The following FAS variants were observed in gnomAD, a reference collection of about 807,000 sequenced individuals.
The protein encoded by FAS is tumor necrosis factor receptor superfamily member 6.
FAS carries 5 observed loss-of-function variants against 33.2 expected under a neutral mutation model. That is an observed-to-expected ratio of 0.15 (90% confidence interval 0.08 to 0.32). FAS has a LOEUF of 0.32. FAS is among the 10% of genes least tolerant of loss of function. The pLI is 1.00. For missense variants in FAS, 339 were observed against 386.0 expected, an observed-to-expected ratio of 0.88 and a Z score of 1.02; for synonymous variants, 131 against 130.7, an observed-to-expected ratio of 1.00 and a Z score of -0.01.
upstream of FAS, among the ~76,000 whole-genome samples, chr10:88,985,171 T>C (rs991196867): frequency 1.1e-4 from 16 of 152,174 alleles, no homozygotes; most frequent in African/African-American, 3.9e-4. Context: ...TGGAAAGACT[T>C]ATGTTTACCA....
At chr10:89,008,114 AT>A (rs970957775) in intron 3 of FAS, among the ~76,000 whole-genome samples, 3 of 152,002 alleles carry the variant, frequency 2.0e-5, no homozygotes, top group Admixed American at 6.6e-5. Context: ...CTCAGAAATT[AT>A]TTTTTTTCTG....
intron 1 of FAS, chr10:88,991,313 A>G (rs1217770976): frequency 2.8e-6 from 1 of 357,956 alleles, no homozygotes; most frequent in East Asian, 5.4e-5. Flanking sequence ...ACTCCTGGAC[A>G]AGCCCTGACA....
At position 88,996,293 on chromosome 10, in the gene FAS, ATGTC is replaced by A. The variant is rs1383498486; in HGVS notation, c.30+5391_30+5394del. On this transcript the variant is annotated intron_variant, in intron 1 of 8. Coordinates refer to ENST00000652046, the MANE Select transcript of FAS (RefSeq NM_000043.6). ...GTTGTTGTTGTTTTTTTTCATGTGA[ATGTC>A]TGTAAGGTTTCAGGCTTGATTTTAA... Among the ~76,000 whole-genome samples, 4 of 152,076 alleles carry A rather than the reference ATGTC, an allele frequency of 2.6e-5. No homozygotes were observed. The East Asian group carries it at 7.7e-4, about 29-fold the overall frequency.
rs1848714917 is a variant in FAS at position 89,014,787 on chromosome 10, A to C, written c.*337A>C. The stretch of plus-strand genomic sequence containing the variant: ...AATGTAATCAGTGTATGTTAGTACA[A>C]ATGTCTATCCACAGGCTAACCCCAC... On this transcript the variant is annotated 3_prime_UTR_variant, in exon 9 of 9. Transcript: ENST00000652046. The C allele has an allele frequency of 1.8e-6, 1 of 556,094 alleles. No homozygotes were observed. Among genetic ancestry groups the C allele is most frequent in the Admixed American group, 2.2e-5 (1 of 45,668 alleles). 34.4% of individuals were successfully genotyped at this position (556,094 alleles called of 1,614,324 possible).
Position 89,014,660 on chromosome 10 carries a change from A to C in FAS, c.*210A>C, listed in dbSNP as rs150332608. ...CTAGTTGGGAAAACAAACTTCATCA[A>C]GAGTAAATGCAGTGGCATGCTAAGT... On this transcript the variant is annotated 3_prime_UTR_variant, in exon 9 of 9. Transcript: ENST00000652046. The C allele has an allele frequency of 1.4e-6, 1 of 693,788 alleles. No individual in the cohort carries two copies. Among genetic ancestry groups the C allele is most frequent in the African/African-American group, 1.7e-5 (1 of 57,204 alleles). The allele number at this position is 693,788 out of a possible 1,614,324, so 43.0% of individuals were successfully genotyped here. A position where few individuals can be genotyped will look rare whatever the true frequency, so the allele number is the denominator to read the frequency against.
At chr10:88,964,214 T>C (rs1345597101) in intron 1 of FAS, among the ~76,000 whole-genome samples, 1 of 152,130 alleles carries the variant, frequency 6.6e-6, no homozygotes, top group Non-Finnish European at 1.5e-5. Context: ...AATTCTTATC[T>C]GGAACCCCTG....
intron 2 of FAS, among the ~76,000 whole-genome samples, chr10:88,978,428 T>C (rs888215969): frequency 2.0e-5 from 3 of 152,002 alleles, no homozygotes; most frequent in Admixed American, 2.0e-4. Flanking sequence ...TAAATAAAAT[T>C]TAAGATAAGC....
At chr10:88,990,706 G>A (rs1399693286), upstream of FAS, 2 of 752,054 alleles carry the variant, frequency 2.7e-6, no homozygotes, top group Non-Finnish European at 2.3e-6. The surrounding 1 kb of genome is among the most constrained non-coding windows in gnomAD (Gnocchi z 4.9). Context: ...AGTGAGGGAA[G>A]CGGTTTACGA....
intron 2 of FAS, among the ~76,000 whole-genome samples, chr10:89,004,778 C>T (rs1261293409): frequency 1.3e-5 from 2 of 152,114 alleles, no homozygotes; most frequent in Admixed American, 6.6e-5. Flanking sequence ...GCTGGATTAA[C>T]TGATTCTCCC....
At chr10:88,990,720 A>G (rs1438910500), upstream of FAS, 4 of 826,822 alleles carry the variant, frequency 4.8e-6, no homozygotes, top group Non-Finnish European at 2.0e-6. This position sits in a 1 kb window ranked among gnomAD's most constrained non-coding sequence, Gnocchi z 4.9. Context: ...TTTACGAGTG[A>G]CTTGGCTGGA....
At chr10:88,988,449 A>T (rs78959422), upstream of FAS, among the ~76,000 whole-genome samples, 12,995 of 130,100 alleles carry the variant, frequency 0.1, 800 homozygotes, top group Non-Finnish European at 0.14. Flanking sequence ...TTTTTATCTT[A>T]ACTCTTCCTG....
At chr10:88,980,585 C>A (rs1412716325) in intron 2 of FAS, among the ~76,000 whole-genome samples, 1 of 152,160 alleles carries the variant, frequency 6.6e-6, no homozygotes, top group Non-Finnish European at 1.5e-5. Flanking sequence ...TCCCTGAGGC[C>A]TAACACAGTC....
intron 2 of FAS, among the ~76,000 whole-genome samples, chr10:88,977,294 T>C (rs1170279031): frequency 1.3e-5 from 2 of 151,762 alleles, no homozygotes; most frequent in Non-Finnish European, 1.5e-5. Context: ...TTTATGGTTT[T>C]AGGTCTAACA....
At chr10:88,995,885 G>A (rs1361965039) in intron 1 of FAS, among the ~76,000 whole-genome samples, 1 of 152,176 alleles carries the variant, frequency 6.6e-6, no homozygotes, top group Non-Finnish European at 1.5e-5. Context: ...TTGTGAATTA[G>A]CAAATCTGAC....
intron 1 of FAS, among the ~76,000 whole-genome samples, chr10:88,996,201 T>G (rs1847579727): frequency 6.6e-6 from 1 of 151,614 alleles, no homozygotes; most frequent in Non-Finnish European, 1.5e-5. Context: ...AGACTCTTGT[T>G]TTTTTGCTGA....
chr10:89,001,882 C>A (rs1847949303), intron 1 of FAS, among the ~76,000 whole-genome samples: 1 of 152,192 alleles, frequency 6.6e-6, no homozygotes, highest in Admixed American at 6.5e-5. Context: ...CGAGAGGTTG[C>A]AGTCATGGTA....
rs778956880 is a variant in FAS at position 88,973,252 on chromosome 10, G to A, written n.165G>A. On this transcript the variant is annotated non_coding_transcript_exon_variant, in exon 2 of 4. Transcript: ENST00000688239. The stretch of plus-strand genomic sequence containing the variant: ...ATGGAGCCCCTGAAAATTGGCTATG[G>A]ACCAAATGGATTCCCACTCTTGGGG... 2.5e-6 allele frequency: 4 copies of A among 1,612,410 alleles called. No individual in the cohort carries two copies. The South Asian group carries it at 4.4e-5, about 18-fold the overall frequency.
chr10:88,986,374 G>A (rs556676553), upstream of FAS, among the ~76,000 whole-genome samples: 1 of 152,300 alleles, frequency 6.6e-6, no homozygotes, highest in East Asian at 1.9e-4. Flanking sequence ...AGAAGCCAGG[G>A]CCCACAGAAC....
At chr10:89,011,520 A>C (rs1271954157) in intron 6 of FAS, among the ~76,000 whole-genome samples, 1 of 152,258 alleles carries the variant, frequency 6.6e-6, no homozygotes, top group African/African-American at 2.4e-5. Flanking sequence ...GGGATATTTA[A>C]GCACTGTAAT....
Sources: allele counts gnomAD v4.1 joint callset (sites outside exome capture counted in the v4.1 genomes callset), GRCh38; gene constraint gnomAD v4.1.1; non-coding constraint Gnocchi (gnomAD v3.1); transcripts MANE v1.5; gene names NCBI Gene and HGNC (gene_info 2026-07-23, HGNC 2026-07-21).